Variants in CDIN1 observed in about 807,000 individuals in gnomAD.
CDIN1 encodes the protein CDAN1 interacting nuclease 1, also known as CDAN1-interacting nuclease 1.
A neutral mutation model predicts 45.3 loss-of-function variants in CDIN1; 33 were observed. The ratio of observed to expected loss-of-function variants is 0.73; its 90% CI spans 0.55 to 0.97. CDIN1 has a LOEUF of 0.97. Ranked by LOEUF, CDIN1 falls within the 50% of genes least tolerant of loss-of-function variation. The probability of loss-of-function intolerance (pLI) is 0.00; values close to 1 mark genes in which losing one functional copy is unlikely to be tolerated. For missense variants in CDIN1, 303 were observed against 339.4 expected (o/e 0.89, Z 0.84); for synonymous variants, 118 against 124.4 (o/e 0.95, Z 0.34).
chr15:36,655,748 T>C (rs2040758541), intron 4 of CDIN1, among the ~76,000 whole-genome samples: 1 of 152,188 alleles, frequency 6.6e-6, no homozygotes, highest in Admixed American at 6.5e-5. Flanking sequence ...AAGAATAAGC[T>C]AGCAGCATTC....
chr15:36,589,094 G>A (rs1316114628), intron 1 of CDIN1, among the ~76,000 whole-genome samples: 1 of 152,088 alleles, frequency 6.6e-6, no homozygotes, highest in African/African-American at 2.4e-5. Context: ...GGGAAAAAAA[G>A]GTTCAATAGA....
chr15:36,603,248 AG>A (rs2038196909), intron 1 of CDIN1, among the ~76,000 whole-genome samples: 1 of 152,198 alleles, frequency 6.6e-6, no homozygotes, highest in Non-Finnish European at 1.5e-5. Context: ...CAGAAGCTAA[AG>A]ACACATTCCC....
At chr15:36,798,125 A>T (rs966508656) in intron 10 of CDIN1, among the ~76,000 whole-genome samples, 9 of 150,714 alleles carry the variant, frequency 6.0e-5, no homozygotes, top group Non-Finnish European at 1.3e-4. Flanking sequence ...TCATTTGTGT[A>T]TTCATATATC....
At chr15:36,580,303 G>A (rs2036982848) in intron 1 of CDIN1, among the ~76,000 whole-genome samples, 1 of 152,188 alleles carries the variant, frequency 6.6e-6, no homozygotes, top group Non-Finnish European at 1.5e-5. Context: ...TGAATGATGG[G>A]TGGGAATATG....
chr15:36,645,305 C>A lies in CDIN1; in HGVS notation c.212+18C>A. ...TACCAGAGGTATGACCTTCCTGCCC[C>A]ACTAGAGGGTATCATAGTACCTATT... is the stretch of plus-strand genomic sequence containing the variant. On this transcript the variant is annotated intron_variant, in intron 3 of 10. Coordinates refer to ENST00000566621, the MANE Select transcript of CDIN1 (RefSeq NM_001321759.2). 6.5e-7 allele frequency: 1 copy of A among 1,531,456 alleles called. No individual in the cohort carries two copies. Among genetic ancestry groups the A allele is most frequent in the South Asian group, 1.2e-5 (1 of 83,466 alleles). The allele number at this position is 1,531,456 out of a possible 1,614,324, so 94.9% of individuals were successfully genotyped here. A position where few individuals can be genotyped will look rare whatever the true frequency, so the allele number is the denominator to read the frequency against.
chr15:36,704,302 G>T (rs924794354), intron 8 of CDIN1: 2 of 152,112 alleles, frequency 1.3e-5, no homozygotes, highest in African/African-American at 2.4e-5. Context: ...TTTGATAAGA[G>T]GCTTTGGGGG....
At chr15:36,641,678 C>T (rs960788881) in intron 1 of CDIN1, among the ~76,000 whole-genome samples, 3 of 152,104 alleles carry the variant, frequency 2.0e-5, no homozygotes, top group African/African-American at 7.2e-5. Context: ...TTACTTCATT[C>T]TGTATAAAAA....
At chr15:36,582,849 A>G (rs1405877666) in intron 1 of CDIN1, among the ~76,000 whole-genome samples, 1 of 152,218 alleles carries the variant, frequency 6.6e-6, no homozygotes, top group Non-Finnish European at 1.5e-5. Flanking sequence ...TTTAATCTTT[A>G]ATATGTTCGA....
chr15:36,786,207 G>A (rs567594966), intron 10 of CDIN1, among the ~76,000 whole-genome samples: 7 of 152,192 alleles, frequency 4.6e-5, no homozygotes, highest in Non-Finnish European at 7.3e-5. Flanking sequence ...CTGAAAATAT[G>A]TATTTTTAAG....
chr15:36,670,916 CTAAA>C (rs886109295), intron 5 of CDIN1, among the ~76,000 whole-genome samples: 13 of 151,928 alleles, frequency 8.6e-5, no homozygotes, highest in Admixed American at 7.2e-4. Flanking sequence ...AAAAAAAACA[CTAAA>C]TAAGAGAGAA....
rs545481899 is a variant in CDIN1, at chr15:36,809,219, G to T, written c.*766G>T. 36 of 265,420 alleles carry T rather than the reference G, an allele frequency of 1.4e-4. No homozygotes were observed. Among genetic ancestry groups the T allele is most frequent in the Non-Finnish European group, 2.6e-4 (35 of 132,994 alleles). The allele number at this position is 265,420 out of a possible 1,614,324, so 16.4% of individuals were successfully genotyped here. A position where few individuals can be genotyped will look rare whatever the true frequency, so the allele number is the denominator to read the frequency against. On this transcript the variant is annotated 3_prime_UTR_variant, in exon 11 of 11. Transcript: ENST00000566621. ...TGGAAACCACACTCCTTTAGATTGGGGGCCGAGAGGCGACAACCCAACATT... is the reference window on the plus strand; with the variant it reads ...TGGAAACCACACTCCTTTAGATTGGTGGCCGAGAGGCGACAACCCAACATT...
intron 5 of CDIN1, among the ~76,000 whole-genome samples, chr15:36,681,194 G>C (rs1214660328): frequency 6.6e-6 from 1 of 151,768 alleles, no homozygotes; most frequent in East Asian, 1.9e-4. Flanking sequence ...AATAAATAAA[G>C]GTATAGAATT....
chr15:36,776,947 T>A (rs1056155680), intron 10 of CDIN1, among the ~76,000 whole-genome samples: 1 of 152,190 alleles, frequency 6.6e-6, no homozygotes. Flanking sequence ...TCATAAACTT[T>A]GAATTTCAAA....
chr15:36,599,942 A>G (rs2038018474), intron 1 of CDIN1, among the ~76,000 whole-genome samples: 1 of 152,224 alleles, frequency 6.6e-6, no homozygotes, highest in South Asian at 2.1e-4. Flanking sequence ...CTGCTTAGCA[A>G]TAGTGCCCTG....
intron 1 of CDIN1, among the ~76,000 whole-genome samples, chr15:36,586,199 T>TTTG (rs1468144289): frequency 6.6e-6 from 1 of 151,768 alleles, no homozygotes; most frequent in East Asian, 1.9e-4. Flanking sequence ...TGAGTTTTTT[T>TTTG]TTTTTTTTTA....
At chr15:36,598,835 G>C (rs1224014171) in intron 1 of CDIN1, among the ~76,000 whole-genome samples, 6 of 150,880 alleles carry the variant, frequency 4.0e-5, no homozygotes, top group African/African-American at 7.3e-5. Context: ...TTGTTTTTTT[G>C]TTTGTTTTGC....
chr15:36,704,936 G>C (rs897684156), intron 8 of CDIN1: 2 of 152,104 alleles, frequency 1.3e-5, no homozygotes, highest in African/African-American at 4.8e-5. Flanking sequence ...TGATTCTTAA[G>C]TATATGTTAA....
chr15:36,662,377 T>G (rs2140488997), intron 5 of CDIN1, among the ~76,000 whole-genome samples: 1 of 152,314 alleles, frequency 6.6e-6, no homozygotes, highest in Non-Finnish European at 1.5e-5. Context: ...ATTACTAAAT[T>G]TTGTTCTTAC....
At chr15:36,708,607 AT>A (rs2042951937) in intron 8 of CDIN1, 1 of 152,034 alleles carries the variant, frequency 6.6e-6, no homozygotes, top group African/African-American at 2.4e-5. Flanking sequence ...AGGAAAAAAA[AT>A]CTTAAAGCCT....
Sources: gnomAD v4.1 joint callset for allele counts (sites outside exome capture counted in the v4.1 genomes callset) on GRCh38, gnomAD v4.1.1 for gene constraint, MANE v1.5 for transcripts, NCBI Gene and HGNC (gene_info 2026-07-23, HGNC 2026-07-21) for gene names.